The following NCKAP5 variants were observed in gnomAD, a reference collection of about 807,000 sequenced individuals.
NCKAP5 encodes the protein NCK associated protein 5.
A neutral mutation model predicts 167.0 loss-of-function variants in NCKAP5; 92 were observed. That is an observed-to-expected ratio of 0.55 (90% CI 0.47 to 0.66). The LOEUF (loss-of-function observed/expected upper bound fraction) is 0.66. Ranked by LOEUF, NCKAP5 falls within the 30% of genes least tolerant of loss-of-function variation. NCKAP5 has a pLI of 0.00. For synonymous variants in NCKAP5, 891 were observed against 877.4 expected, an observed-to-expected ratio of 1.02 and a Z score of -0.27; for missense variants, 2,378 against 2,315.0, an observed-to-expected ratio of 1.03 and a Z score of -0.56.
At chr2:133,590,842 C>T in the NCKAP5 span, among the ~76,000 whole-genome samples, 1 of 152,092 alleles carries the variant, frequency 6.6e-6, no homozygotes, top group African/African-American at 2.4e-5. Flanking sequence ...GATGCCTTCT[C>T]ATGTTTCCGA....
chr2:132,782,025 T>C lies in NCKAP5; in HGVS notation c.4786A>G (p.Asn1596Asp). 1 of 1,614,058 alleles carries C rather than the reference T, an allele frequency of 6.2e-7. No individual in the cohort carries two copies. Residue 1596 changes from asparagine to aspartate, a missense_variant, in exon 14 of 20, where the codon AAC becomes GAC. Coordinates refer to ENST00000409261, the MANE Select transcript of NCKAP5 (RefSeq NM_207363.3). ...NNRRTPQDIY[N>D]QLKIEPRNRH... is the part of the protein sequence containing the mutation. ...TTCCTTGGTTCAATCTTCAGTTGGTTGTAAATGTCTTGTGGTGTTCTCCGA... is the reference window on the plus strand; with the variant it reads ...TTCCTTGGTTCAATCTTCAGTTGGTCGTAAATGTCTTGTGGTGTTCTCCGA...
chr2:133,672,396 A>G, the NCKAP5 span, among the ~76,000 whole-genome samples: 1 of 152,254 alleles, frequency 6.6e-6, no homozygotes, highest in African/African-American at 2.4e-5. Flanking sequence ...GATAAGCACA[A>G]AAATTAAGAA....
the NCKAP5 span, among the ~76,000 whole-genome samples, chr2:133,614,914 C>G: frequency 4.9e-4 from 74 of 152,284 alleles, no homozygotes; most frequent in African/African-American, 1.6e-3. Context: ...GTCGGGCTAC[C>G]CTCAAAGGGA....
At position 132,672,987 on chromosome 2, in the gene NCKAP5, C is replaced by G; in HGVS notation, c.*302G>C. 1 of 653,926 alleles carries G rather than the reference C, an allele frequency of 1.5e-6. No homozygotes were observed. 40.5% of individuals were successfully genotyped at this position (653,926 alleles called of 1,614,324 possible). A position where few individuals can be genotyped will look rare whatever the true frequency, so the allele number is the denominator to read the frequency against. ...CACCCCCCACCCATCATTTCTTAAG[C>G]GCTCCAGTCCCAGCTCACTAAGGGA... is the stretch of plus-strand genomic sequence containing the variant. On this transcript the variant is annotated 3_prime_UTR_variant, in exon 20 of 20. Transcript: ENST00000409261.
chr2:132,698,107 T>C (rs1573911792), intron 19 of NCKAP5, among the ~76,000 whole-genome samples: 1 of 152,216 alleles, frequency 6.6e-6, no homozygotes, highest in South Asian at 2.1e-4. Context: ...TCTTTATGAA[T>C]TGACAATAAA....
chr2:133,236,876 A>T (rs1290168153), intron 4 of NCKAP5, among the ~76,000 whole-genome samples: 1 of 152,272 alleles, frequency 6.6e-6, no homozygotes, highest in African/African-American at 2.4e-5. Context: ...GTTTCAACTC[A>T]AAGTCCACAT....
At chr2:132,702,103 C>G (rs1687942723) in intron 19 of NCKAP5, among the ~76,000 whole-genome samples, 1 of 152,134 alleles carries the variant, frequency 6.6e-6, no homozygotes, top group African/African-American at 2.4e-5. Flanking sequence ...AAGAACGTGT[C>G]CTTCCATTTT....
chr2:132,728,865 C>T lies in NCKAP5; in HGVS notation c.5531G>A (p.Ser1844Asn), dbSNP rs758893708. Reference sequence around the variant, plus strand: ...ACTCCCCCAGTCTGGAAGCGGCTGGCTTGCCATTGGGTCTTCAGCATATCC... The same window carrying T: ...ACTCCCCCAGTCTGGAAGCGGCTGGTTTGCCATTGGGTCTTCAGCATATCC... The part of the protein sequence containing the change: ...SFGYAEDPMA[S>N]QPLPDWGSEV... Residue 1844 changes from serine to asparagine, a missense_variant, in exon 18 of 20, where the codon AGC (serine) becomes AAC (asparagine). This residue lies in a region of NCKAP5 where 1,325 missense variants were observed against 1,274.5 expected (regional missense o/e 1.04). Transcript: ENST00000409261. 4 of 1,613,978 alleles carry T rather than the reference C, an allele frequency of 2.5e-6. No individual in the cohort carries two copies. The highest frequency in any genetic ancestry group is 2.2e-5 in the South Asian group (2 of 91,078).
chr2:133,329,235 T>G (rs1425289868), intron 3 of NCKAP5, among the ~76,000 whole-genome samples: 2 of 152,036 alleles, frequency 1.3e-5, no homozygotes, highest in Non-Finnish European at 2.9e-5. Context: ...TATTAGCTAT[T>G]CCCACCTCAT....
At chr2:132,683,050 A>G (rs1685452069) in intron 19 of NCKAP5, among the ~76,000 whole-genome samples, 1 of 151,616 alleles carries the variant, frequency 6.6e-6, no homozygotes, top group African/African-American at 2.4e-5. Flanking sequence ...TGCCTGGCTA[A>G]TTTTTGTATT....
chr2:132,890,806 C>T (rs1012278621), intron 8 of NCKAP5, among the ~76,000 whole-genome samples: 2 of 152,178 alleles, frequency 1.3e-5, no homozygotes, highest in Admixed American at 6.5e-5. Context: ...AGAGCTTGTA[C>T]AGTATCCAGA....
At chr2:133,151,819 T>C (rs1027270739) in intron 5 of NCKAP5, among the ~76,000 whole-genome samples, 3 of 152,130 alleles carry the variant, frequency 2.0e-5, no homozygotes, top group African/African-American at 4.8e-5. Context: ...AAAATGCACA[T>C]GGCTGGGAGC....
intron 3 of NCKAP5, among the ~76,000 whole-genome samples, chr2:133,358,199 TA>T (rs1209633913): frequency 6.6e-6 from 1 of 152,228 alleles, no homozygotes; most frequent in East Asian, 1.9e-4. Context: ...AGACTCTAAG[TA>T]TTCCCATTAC....
chr2:133,432,032 A>T (rs756753520), intron 3 of NCKAP5, among the ~76,000 whole-genome samples: 19 of 152,202 alleles, frequency 1.2e-4, no homozygotes, highest in Non-Finnish European at 2.2e-4. Flanking sequence ...TAAATACCAA[A>T]TCATGGAATT....
At chr2:133,643,558 T>C in the NCKAP5 span, among the ~76,000 whole-genome samples, 1 of 152,132 alleles carries the variant, frequency 6.6e-6, no homozygotes, top group African/African-American at 2.4e-5. Flanking sequence ...TATACCCCCA[T>C]TGCCAATGCC....
At chr2:133,497,074 C>T (rs1274791543) in intron 3 of NCKAP5, among the ~76,000 whole-genome samples, 1 of 152,184 alleles carries the variant, frequency 6.6e-6, no homozygotes, top group Non-Finnish European at 1.5e-5. Context: ...ACGTGCAAAG[C>T]TTATTCCCAT....
At chr2:133,045,843 G>A (rs1467123686) in intron 6 of NCKAP5, among the ~76,000 whole-genome samples, 8 of 152,258 alleles carry the variant, frequency 5.3e-5, no homozygotes, top group South Asian at 2.1e-4. Context: ...ATGCATTTGC[G>A]ATGAGATGAA....
intron 3 of NCKAP5, among the ~76,000 whole-genome samples, chr2:133,343,938 C>T (rs1411807277): frequency 6.6e-6 from 1 of 152,154 alleles, no homozygotes; most frequent in Non-Finnish European, 1.5e-5. Flanking sequence ...GAGATGTGTA[C>T]AGTTAACTCT....
At position 133,404,398 on chromosome 2, in the gene NCKAP5, C is replaced by T. The variant is rs79055735; in HGVS notation, c.70-101288G>A. 9.4e-3 allele frequency among the ~76,000 whole-genome samples: 1,437 copies of T among 152,276 alleles called. 24 individuals carry two copies. The highest frequency in any genetic ancestry group is 0.033 in the African/African-American group (1,360 of 41,556). The stretch of plus-strand genomic sequence containing the variant: ...TTCAGACAGTACCGAGCCCTATATA[C>T]ATTACTGTTTTTTCCTATACATAGA... On this transcript the variant is annotated intron_variant, in intron 3 of 19. Transcript: ENST00000409261.
Sources: allele counts gnomAD v4.1 joint callset (sites outside exome capture counted in the v4.1 genomes callset), GRCh38; gene constraint gnomAD v4.1.1; regional missense constraint gnomAD v4.1.1; transcripts MANE v1.5; gene names NCBI Gene and HGNC (gene_info 2026-07-23, HGNC 2026-07-21).